ATAD3B: variants seen among roughly 807,000 people sequenced by gnomAD.
ATAD3B encodes ATPase family AAA domain-containing protein 3B.
A neutral mutation model predicts 70.2 loss-of-function variants in ATAD3B; 59 were observed. The ratio of observed to expected loss-of-function variants is 0.84; its 90% CI spans 0.68 to 1.04. The LOEUF (loss-of-function observed/expected upper bound fraction) is 1.04. ATAD3B is among the 50% of genes least tolerant of loss of function. The probability of loss-of-function intolerance (pLI) is 0.00; values close to 1 mark genes in which losing one functional copy is unlikely to be tolerated. For missense variants in ATAD3B, 961 were observed against 913.4 expected (o/e 1.05, Z -0.67); for synonymous variants, 423 against 388.6 (o/e 1.09, Z -1.04).
chr1:1,484,741 C>T (rs1211711294), intron 7 of ATAD3B: 2 of 815,372 alleles, frequency 2.5e-6, no homozygotes, highest in Non-Finnish European at 3.6e-6. Flanking sequence ...TGGGTCTGCC[C>T]AGGGCCCCGC....
At position 1,479,639 on chromosome 1, in the gene ATAD3B, GCACA is replaced by G. The variant is rs1291231245; in HGVS notation, c.444+538_444+541del. Among the ~76,000 whole-genome samples the G allele has an allele frequency of 1.1e-4, 14 of 130,442 alleles. 1 individual carries two copies. The East Asian group carries it at 2.7e-3, about 25-fold the overall frequency. The allele number at this position is 130,442 out of a possible 152,430, so 85.6% of individuals were successfully genotyped here. A position where few individuals can be genotyped will look rare whatever the true frequency, so the allele number is the denominator to read the frequency against. ...ACACAGGGGCATGCTCACACAGCCC[GCACA>G]CACACAGGTATGCAGACACACCCAA... On this transcript the variant is annotated intron_variant, in intron 4 of 15. Coordinates refer to ENST00000673477, the MANE Select transcript of ATAD3B (RefSeq NM_031921.6).
At chr1:1,483,258 GC>G (rs1448593460) in intron 7 of ATAD3B, among the ~76,000 whole-genome samples, 1 of 151,868 alleles carries the variant, frequency 6.6e-6, no homozygotes, top group Non-Finnish European at 1.5e-5. Flanking sequence ...TCCCGCCACT[GC>G]ACCCCAAGAC....
chr1:1,504,043 C>T, the ATAD3B span, among the ~76,000 whole-genome samples: 15 of 152,032 alleles, frequency 9.9e-5, no homozygotes, highest in South Asian at 2.1e-4. Flanking sequence ...GCTTGAGTGT[C>T]GTGGTGCGTT....
At chr1:1,479,398 A>ACACACACACCCCTGCACACACGGGCC (rs1639777561) in intron 4 of ATAD3B, among the ~76,000 whole-genome samples, 1 of 140,546 alleles carries the variant, frequency 7.1e-6, no homozygotes, top group African/African-American at 2.7e-5. Flanking sequence ...ACACATGGGC[A>ACACACACACCCCTGCACACACGGGCC]CACACACACC....
intron 12 of ATAD3B, 117 bp from the exon 13 acceptor site, chr1:1,489,087 C>A: frequency 6.5e-7 from 1 of 1,541,186 alleles, no homozygotes; most frequent in Non-Finnish European, 8.8e-7. Flanking sequence ...AGTTTAGATC[C>A]ATGAAAGTGT....
intron 1 of ATAD3B, among the ~76,000 whole-genome samples, chr1:1,475,317 G>A (rs1241147342): frequency 9.9e-5 from 15 of 151,374 alleles, no homozygotes; most frequent in Non-Finnish European, 8.8e-5. Context: ...ACTGCTGGCG[G>A]GTGAGAGAGG....
chr1:1,493,528 G>T (rs1291745892), intron 15 of ATAD3B, among the ~76,000 whole-genome samples: 1 of 151,876 alleles, frequency 6.6e-6, no homozygotes, highest in Non-Finnish European at 1.5e-5. Flanking sequence ...TGTTGGCCAG[G>T]CTGGTCTCGA....
At chr1:1,494,103 G>C (rs1640661886) in intron 15 of ATAD3B, among the ~76,000 whole-genome samples, 1 of 152,008 alleles carries the variant, frequency 6.6e-6, no homozygotes, top group Non-Finnish European at 1.5e-5. Flanking sequence ...GGGTAGCACA[G>C]AGAGCTCCCG....
At chr1:1,480,805 A>T in intron 4 of ATAD3B, 62 bp from the exon 5 acceptor site, 2 of 1,590,502 alleles carry the variant, frequency 1.3e-6, no homozygotes, top group Non-Finnish European at 1.7e-6. Flanking sequence ...CAACCTCTGG[A>T]TTGGTGTTGA....
intron 2 of ATAD3B, chr1:1,478,420 CG>C: frequency 2.0e-6 from 3 of 1,509,950 alleles, no homozygotes; most frequent in Non-Finnish European, 2.7e-6. Context: ...CCTCCCTCCC[CG>C]GGGGCCTTCG....
intron 5 of ATAD3B, 103 bp downstream of exon 5, chr1:1,481,039 A>G (rs1228272515): frequency 6.5e-7 from 1 of 1,542,726 alleles, no homozygotes. Flanking sequence ...CCTCATAGCT[A>G]CCAGTGCAGT....
At chr1:1,509,389 G>A in the ATAD3B span, 13 of 1,601,936 alleles carry the variant, frequency 8.1e-6, 1 homozygote, top group African/African-American at 6.8e-5. Flanking sequence ...GCCTGGCCGC[G>A]GACCCCTCCC....
At position 1,489,578 on chromosome 1, in the gene ATAD3B, C is replaced by CAA. The variant is rs1553206967; in HGVS notation, c.1337+304_1337+305insAA. ...GTCCTGTGCCTGCAAGGGAGGTGGT[C>CAA]TGATTGCTGCCGCCCAGAGGTCCCC... On this transcript the variant is annotated intron_variant, in intron 13 of 15. Coordinates refer to ENST00000673477, the MANE Select transcript of ATAD3B (RefSeq NM_031921.6). 9.9e-6 allele frequency: 11 copies of CAA among 1,107,912 alleles called. No homozygotes were observed. The African/African-American group carries it at 1.8e-4, about 18-fold the overall frequency. The allele number at this position is 1,107,912 out of a possible 1,614,324, so 68.6% of individuals were successfully genotyped here. A position where few individuals can be genotyped will look rare whatever the true frequency, so the allele number is the denominator to read the frequency against.
downstream of ATAD3B, among the ~76,000 whole-genome samples, chr1:1,499,714 CT>C (rs1480453277): frequency 2.0e-5 from 3 of 148,944 alleles, no homozygotes; most frequent in African/African-American, 2.5e-5. Flanking sequence ...CTTCCTCAGC[CT>C]TCCCAAGTAG....
At chr1:1,485,998 C>G in intron 9 of ATAD3B, 112 bp from the exon 10 acceptor site, 4 of 1,589,850 alleles carry the variant, frequency 2.5e-6, no homozygotes, top group South Asian at 2.2e-5. Context: ...TGCCCACGAG[C>G]TGGGCGGCTT....
downstream of ATAD3B, among the ~76,000 whole-genome samples, chr1:1,500,348 G>A (rs1046782792): frequency 2.8e-4 from 40 of 142,004 alleles, no homozygotes; most frequent in African/African-American, 9.8e-4. Context: ...GTCAGGAGAT[G>A]GAGACCATCC....
rs1334916980 is a variant in ATAD3B, at chr1:1,482,372, C to T, written c.680+69C>T. ...CAGGTGTGAGTCGCTGGTCCCAGGG[C>T]GCTCTCCAGCTCTTCCAGGCCTGGC... On this transcript the variant is annotated intron_variant, in intron 6 of 15. Transcript: ENST00000673477. 41 of 1,566,834 alleles carry T rather than the reference C, an allele frequency of 2.6e-5. 2 individuals carry two copies. Among genetic ancestry groups the T allele is most frequent in the East Asian group, 1.4e-4 (6 of 43,394 alleles).
chr1:1,497,718 T>G lies in ATAD3B; in HGVS notation c.*1901T>G, dbSNP rs1640836364. 1 of 145,502 alleles carries G rather than the reference T, an allele frequency of 6.9e-6. No homozygotes were observed. The highest frequency in any genetic ancestry group is 1.5e-5 in the Non-Finnish European group (1 of 67,936). The allele number at this position is 145,502 out of a possible 1,614,324, so 9.0% of individuals were successfully genotyped here. ...CGTCTCTACTAAAAATACAAAAAAA[T>G]TAGCCGGCATGGTGGTAGGTGACTG... On this transcript the variant is annotated 3_prime_UTR_variant, in exon 16 of 16. Coordinates refer to ENST00000673477, the MANE Select transcript of ATAD3B (RefSeq NM_031921.6).
chr1:1,487,356 T>C (rs1011499317), intron 11 of ATAD3B, among the ~76,000 whole-genome samples: 3 of 151,658 alleles, frequency 2.0e-5, no homozygotes, highest in Non-Finnish European at 4.4e-5. Flanking sequence ...GGCATGGTGG[T>C]GGGCACCTGT....
Sources: allele counts gnomAD v4.1 joint callset (sites outside exome capture counted in the v4.1 genomes callset), GRCh38; gene constraint gnomAD v4.1.1; transcripts MANE v1.5; gene names NCBI Gene and HGNC (gene_info 2026-07-23, HGNC 2026-07-21).